The following BEX4 variants were observed in gnomAD, a reference collection of about 807,000 sequenced individuals.
The protein encoded by BEX4 is brain expressed X-linked 4.
For missense variants in BEX4, 110 were observed against 96.5 expected (o/e 1.14, Z -0.59); for synonymous variants, 37 against 33.5 (o/e 1.11, Z -0.36).
In BEX4 at chrX:103,216,457, T is replaced by C; in HGVS notation, c.304T>C (p.Tyr102His). The change falls in exon 3 of 3, where the codon TAT becomes CAT. Residue 102 changes from tyrosine to histidine, a missense_variant. Transcript: ENST00000372695. ...RKTREQQMRHYMRFQTPEPDN... is the reference protein window; with the variant it reads ...RKTREQQMRHHMRFQTPEPDN... ...GACTAGGGAACAGCAGATGAGGCACTATATGCGCTTCCAAACTCCTGAACC... is the reference window on the plus strand; with the variant it reads ...GACTAGGGAACAGCAGATGAGGCACCATATGCGCTTCCAAACTCCTGAACC... 1 of 1,211,185 alleles carries C rather than the reference T, an allele frequency of 8.3e-7. No homozygotes were observed. The highest frequency in any genetic ancestry group is 1.1e-6 in the Non-Finnish European group (1 of 895,092).
In BEX4 at chrX:103,215,701, A is replaced by G. The variant is rs1040739082; in HGVS notation, c.-69A>G. ...CGGCAGTCTGCAGGTCTGCGGGGCT[A>G]AGTGTCGCGGCGGCGCACCTCGCGT... On this transcript the variant is annotated 5_prime_UTR_variant, in exon 2 of 3. Transcript: ENST00000372695. The G allele has an allele frequency of 3.3e-6, 3 of 916,078 alleles. No homozygotes were observed. Among genetic ancestry groups the G allele is most frequent in the Non-Finnish European group, 4.1e-6 (3 of 732,582 alleles). The allele number at this position is 916,078 out of a possible 1,213,427, so 75.5% of individuals were successfully genotyped here. A position where few individuals can be genotyped will look rare whatever the true frequency, so the allele number is the denominator to read the frequency against.
intron 1 of BEX4, 57 bp from the exon 2 acceptor site, chrX:103,215,625 C>G (rs55914635): frequency 0.24 from 190,048 of 790,739 alleles, 17,501 homozygotes; most frequent in South Asian, 0.3. Flanking sequence ...GGCCGGATGG[C>G]GGTAGTTCCT....
rs200516702 is a variant in BEX4 at position 103,216,243 on chromosome X, G to A, written c.90G>A (p.Gln30=). 4 of 1,186,769 alleles carry A rather than the reference G, an allele frequency of 3.4e-6. No individual in the cohort carries two copies. The Admixed American group carries it at 7.0e-5, about 21-fold the overall frequency. The change falls in exon 3 of 3, where the codon CAG becomes CAA. Residue 30 remains glutamine, a synonymous_variant. Coordinates refer to ENST00000372695, the MANE Select transcript of BEX4 (RefSeq NM_001080425.4). ...AAGGAGGGGAGCAGGCCCCCACGCA[G>A]AATGAAGAAGAATCCCGCCATTTGG... ...ENEGGEQAPT[Q]NEEESRHLGG... is the part of the protein sequence containing the mutation.
Position 103,216,143 on chromosome X carries a change from T to C in BEX4, c.-5-6T>C. 8.8e-7 allele frequency: 1 copy of C among 1,131,615 alleles called. No individual in the cohort carries two copies. The allele number at this position is 1,131,615 out of a possible 1,213,427, so 93.3% of individuals were successfully genotyped here. On this transcript the variant is annotated splice_region_variant and splice_polypyrimidine_tract_variant and intron_variant, in intron 2 of 2. Transcript: ENST00000372695. Reference sequence around the variant, plus strand: ...TTCAGCCCATTTTCTCTCTCTTGTCTCCTAGGAGTAATGGAGTCCAAAGAG... The same window carrying C: ...TTCAGCCCATTTTCTCTCTCTTGTCCCCTAGGAGTAATGGAGTCCAAAGAG...
In BEX4 at chrX:103,215,737, G is replaced by T. The variant is rs1239012636; in HGVS notation, c.-33G>T. 5 of 931,152 alleles carry T rather than the reference G, an allele frequency of 5.4e-6. No individual in the cohort carries two copies. The highest frequency in any genetic ancestry group is 6.7e-6 in the Non-Finnish European group (5 of 740,787). The allele number at this position is 931,152 out of a possible 1,213,427, so 76.7% of individuals were successfully genotyped here. On this transcript the variant is annotated 5_prime_UTR_variant, in exon 2 of 3. Coordinates refer to ENST00000372695, the MANE Select transcript of BEX4 (RefSeq NM_001080425.4). ...CGGCGCACCTCGCGTCAAGAATCCG[G>T]AGGAGGAGACTGCAAGGATAGGCCC...
Position 103,217,070 on chromosome X carries a change from T to C in BEX4, c.*554T>C, listed in dbSNP as rs1924610979. ...AATCTCCATTTTTAACAAACTCTCT[T>C]AAGTAATTCTGATGTGTACCAAAAT... is the stretch of plus-strand genomic sequence containing the variant. On this transcript the variant is annotated 3_prime_UTR_variant, in exon 3 of 3. Transcript: ENST00000372695. 8.2e-6 allele frequency: 1 copy of C among 122,642 alleles called. No homozygotes were observed. Among genetic ancestry groups the C allele is most frequent in the South Asian group, 3.7e-4 (1 of 2,675 alleles). 10.1% of individuals were successfully genotyped at this position (122,642 alleles called of 1,213,427 possible). A position where few individuals can be genotyped will look rare whatever the true frequency, so the allele number is the denominator to read the frequency against.
chrX:103,215,802 C>T, intron 2 of BEX4, 38 bp downstream of exon 2: 1 of 851,917 alleles, frequency 1.2e-6, no homozygotes, highest in Admixed American at 5.1e-5. Flanking sequence ...GGGGCCGGAA[C>T]GTGAGGAAAG....
chrX:103,215,589 A>AGGGCCTCGGGGCG (rs1289580051), intron 1 of BEX4, 93 bp from the exon 2 acceptor site: 2 of 536,072 alleles, frequency 3.7e-6, no homozygotes, highest in Non-Finnish European at 4.4e-6. Flanking sequence ...GGCCAGGGCC[A>AGGGCCTCGGGGCG]GGGCCTCGGG....
chrX:103,215,519 A>C (rs1482982699), intron 1 of BEX4, among the ~76,000 whole-genome samples, 163 bp from the exon 2 acceptor site: 1 of 107,682 alleles, frequency 9.3e-6, no homozygotes, highest in African/African-American at 3.4e-5. Context: ...AATGGTGGTC[A>C]GCTTGCGGGG....
intron 1 of BEX4, 100 bp downstream of exon 1, chrX:103,215,338 C>T: frequency 1.7e-6 from 1 of 578,807 alleles, no homozygotes; most frequent in Non-Finnish European, 2.1e-6. Flanking sequence ...GCAATCGGTC[C>T]GCGATGCAGC....
chrX:103,216,133 C>G lies in BEX4; in HGVS notation c.-5-16C>G, dbSNP rs1233338269. 8.9e-7 allele frequency: 1 copy of G among 1,124,226 alleles called. No individual in the cohort carries two copies. Among genetic ancestry groups the G allele is most frequent in the African/African-American group, 1.9e-5 (1 of 53,977 alleles). The allele number at this position is 1,124,226 out of a possible 1,213,427, so 92.6% of individuals were successfully genotyped here. On this transcript the variant is annotated splice_polypyrimidine_tract_variant and intron_variant, in intron 2 of 2. Transcript: ENST00000372695. ...CCACCAAGAATTCAGCCCATTTTCT[C>G]TCTCTTGTCTCCTAGGAGTAATGGA...
Position 103,216,522 on chromosome X carries a change from A to G in BEX4, c.*6A>G, listed in dbSNP as rs377421081. 20 of 1,193,140 alleles carry G rather than the reference A, an allele frequency of 1.7e-5. No homozygotes were observed. Among genetic ancestry groups the G allele is most frequent in the Admixed American group, 9.2e-5 (4 of 43,509 alleles). On this transcript the variant is annotated 3_prime_UTR_variant, in exon 3 of 3. Transcript: ENST00000372695. ...ACTTTTGCCTCATACCTTGAATCCT[A>G]AAAGTTTTCGCTGAGGTTAATGTGA...
intron 1 of BEX4, among the ~76,000 whole-genome samples, 185 bp downstream of exon 1, chrX:103,215,423 T>G (rs34438000): frequency 0.27 from 30,383 of 111,488 alleles, 3,739 homozygotes; most frequent in Middle Eastern, 0.44. Flanking sequence ...CCGGCGGTCC[T>G]GGGGCTACGA....
rs758566374 is a variant in BEX4, at chrX:103,216,537, G to C, written c.*21G>C. 4.2e-6 allele frequency: 5 copies of C among 1,177,499 alleles called. No homozygotes were observed. Among genetic ancestry groups the C allele is most frequent in the Non-Finnish European group, 5.7e-6 (5 of 878,490 alleles). On this transcript the variant is annotated 3_prime_UTR_variant, in exon 3 of 3. Transcript: ENST00000372695. ...CTTGAATCCTAAAAGTTTTCGCTGA[G>C]GTTAATGTGAACACTGCTTTACAAG...
chrX:103,215,436 C>T (rs1412598582), intron 1 of BEX4, among the ~76,000 whole-genome samples, 198 bp downstream of exon 1: 1 of 112,525 alleles, frequency 8.9e-6, no homozygotes, highest in African/African-American at 3.2e-5. Context: ...GGCTACGACC[C>T]TTCGGAAACA....
rs1569299804 is a variant in BEX4, at chrX:103,217,123, CTA to C, written c.*612_*613del. 2.5e-5 allele frequency: 3 copies of C among 121,559 alleles called. No homozygotes were observed. Among genetic ancestry groups the C allele is most frequent in the African/African-American group, 1.0e-4 (3 of 29,377 alleles). The allele number at this position is 121,559 out of a possible 1,213,427, so 10.0% of individuals were successfully genotyped here. ...GTGCCATTGGTGTGTGTGTACGTAA[CTA>C]TATACATATGTGTGTGTGTGTATAT... On this transcript the variant is annotated 3_prime_UTR_variant, in exon 3 of 3. Coordinates refer to ENST00000372695, the MANE Select transcript of BEX4 (RefSeq NM_001080425.4).
intron 2 of BEX4, 43 bp downstream of exon 2, chrX:103,215,807 G>T: frequency 1.7e-5 from 14 of 840,461 alleles, no homozygotes; most frequent in Non-Finnish European, 2.1e-5. Flanking sequence ...CGGAACGTGA[G>T]GAAAGCCCAG....
rs779013664 is a variant in BEX4, at chrX:103,216,228, G to A, written c.75G>A (p.Glu25=). The A allele has an allele frequency of 6.8e-6, 8 of 1,172,406 alleles. No homozygotes were observed. Among genetic ancestry groups the A allele is most frequent in the Middle Eastern group, 2.4e-4 (1 of 4,185 alleles). Residue 25 remains glutamate (E), a synonymous_variant, in exon 3 of 3, where the codon GAG becomes GAA. Transcript: ENST00000372695. ...ENAQQENEGG[E]QAPTQNEEES... ...CCCAACAAGAAAACGAAGGAGGGGA[G>A]CAGGCCCCCACGCAGAATGAAGAAG...
rs778429539 is a variant in BEX4 at position 103,216,373 on chromosome X, A to C, written c.220A>C (p.Asn74His). ...WAIPNRHIEH[N>H]EARDDVERFV... ...CATACCTAATAGGCATATTGAGCACAATGAAGCGAGAGATGATGTAGAAAG... is the reference window on the plus strand; with the variant it reads ...CATACCTAATAGGCATATTGAGCACCATGAAGCGAGAGATGATGTAGAAAG... The change falls in exon 3 of 3, where the codon AAT becomes CAT. Residue 74 changes from asparagine (N) to histidine (H), a missense_variant. Physicochemically the swap from Asn to His is moderately conservative, Grantham distance 68. Transcript: ENST00000372695. 1.2e-5 allele frequency: 15 copies of C among 1,209,943 alleles called. No individual in the cohort carries two copies. The East Asian group carries it at 4.1e-4, about 33-fold the overall frequency.
Sources: gnomAD v4.1 joint callset for allele counts (sites outside exome capture counted in the v4.1 genomes callset) on GRCh38, gnomAD v4.1.1 for gene constraint, MANE v1.5 for transcripts, NCBI Gene and HGNC (gene_info 2026-07-23, HGNC 2026-07-21) for gene names.